POU2AF2: variants seen among roughly 807,000 people sequenced by gnomAD.
POU2AF2 encodes the protein POU class 2 homeobox associating factor 2, also known as POU domain class 2-associating factor 2.
the POU2AF2 span, among the ~76,000 whole-genome samples, chr11:111,278,556 GTCTCTCTCTCTCTCTC>G: frequency 1.3e-5 from 2 of 148,334 alleles, no homozygotes; most frequent in Admixed American, 6.7e-5. Flanking sequence ...CTCTCTCTCT[GTCTCTCTCTCTCTCTC>G]TCTCTCTCTC....
the POU2AF2 span, among the ~76,000 whole-genome samples, chr11:111,279,133 C>T: frequency 6.6e-6 from 1 of 152,132 alleles, no homozygotes; most frequent in Non-Finnish European, 1.5e-5. Flanking sequence ...CCATGATTTG[C>T]GTATTTTAAG....
the POU2AF2 span, among the ~76,000 whole-genome samples, chr11:111,265,976 C>G: frequency 6.6e-6 from 1 of 152,020 alleles, no homozygotes; most frequent in Non-Finnish European, 1.5e-5. Flanking sequence ...AAACTCCAAC[C>G]TGGTGCATTT....
the POU2AF2 span, among the ~76,000 whole-genome samples, chr11:111,250,867 T>C: frequency 6.6e-6 from 1 of 152,152 alleles, no homozygotes; most frequent in Non-Finnish European, 1.5e-5. Flanking sequence ...GGCAGAAGTA[T>C]TCTTGGGGCA....
At chr11:111,251,842 G>A in the POU2AF2 span, among the ~76,000 whole-genome samples, 19 of 152,298 alleles carry the variant, frequency 1.2e-4, 2 homozygotes, top group African/African-American at 3.8e-4. Context: ...ATATAGCCCC[G>A]TGCTTTGCAC....
chr11:111,276,447 A>T, the POU2AF2 span, among the ~76,000 whole-genome samples: 39 of 30,260 alleles, frequency 1.3e-3, no homozygotes, highest in African/African-American at 3.3e-3. Context: ...AAGAAAAAAA[A>T]AAAAAAATAT....
At chr11:111,250,020 A>G in the POU2AF2 span, among the ~76,000 whole-genome samples, 2 of 152,100 alleles carry the variant, frequency 1.3e-5, no homozygotes, top group South Asian at 4.2e-4. Context: ...TACCAGGTCC[A>G]GGTTCTCATA....
chr11:111,282,586 C>T, the POU2AF2 span, among the ~76,000 whole-genome samples: 1 of 152,094 alleles, frequency 6.6e-6, no homozygotes, highest in Non-Finnish European at 1.5e-5. Flanking sequence ...GAGATCTGCC[C>T]CCTTGGGCTC....
the POU2AF2 span, chr11:111,255,985 C>T: frequency 7.5e-6 from 3 of 399,016 alleles, no homozygotes; most frequent in Non-Finnish European, 1.3e-5. Flanking sequence ...TGCTTAAGTC[C>T]CAGGAGACTA....
the POU2AF2 span, among the ~76,000 whole-genome samples, chr11:111,247,191 C>CAGAGAGAGAG: frequency 0.2 from 28,435 of 144,588 alleles, 3,003 homozygotes; most frequent in East Asian, 0.26. Context: ...TACACACACA[C>CAGAGAGAGAG]AGAGAGAGAG....
At chr11:111,259,020 T>TA in the POU2AF2 span, among the ~76,000 whole-genome samples, 1 of 152,202 alleles carries the variant, frequency 6.6e-6, no homozygotes, top group Non-Finnish European at 1.5e-5. Context: ...AAAAAATACT[T>TA]ACACATTTGA....
the POU2AF2 span, chr11:111,281,459 T>C: frequency 3.1e-6 from 5 of 1,612,124 alleles, no homozygotes; most frequent in Admixed American, 5.0e-5. Context: ...TTTAATTCAA[T>C]AAGCAATTAT....
chr11:111,273,279 C>T, the POU2AF2 span, among the ~76,000 whole-genome samples: 4 of 152,064 alleles, frequency 2.6e-5, no homozygotes, highest in African/African-American at 9.7e-5. Context: ...CATTTAAAGA[C>T]TAACTGTGTT....
chr11:111,286,174 G>A, the POU2AF2 span: 1 of 1,131,230 alleles, frequency 8.8e-7, no homozygotes, highest in East Asian at 2.6e-5. Flanking sequence ...GCTGCTCTTT[G>A]TTAGTGGACG....
At chr11:111,271,404 C>T in the POU2AF2 span, among the ~76,000 whole-genome samples, 144 of 152,092 alleles carry the variant, frequency 9.5e-4, no homozygotes, top group Non-Finnish European at 1.7e-3. Flanking sequence ...CAAAAAAACT[C>T]TTTTTTATTT....
At chr11:111,254,186 A>C in the POU2AF2 span, among the ~76,000 whole-genome samples, 1 of 152,206 alleles carries the variant, frequency 6.6e-6, no homozygotes, top group African/African-American at 2.4e-5. Flanking sequence ...ACAATTCTAG[A>C]AGCAACATTT....
At chr11:111,282,675 G>A in the POU2AF2 span, among the ~76,000 whole-genome samples, 8 of 152,192 alleles carry the variant, frequency 5.3e-5, no homozygotes, top group African/African-American at 1.7e-4. Flanking sequence ...CCTGTGGAAC[G>A]GGCTGGAATT....
chr11:111,284,017 C>A, the POU2AF2 span: 7 of 1,513,968 alleles, frequency 4.6e-6, no homozygotes, highest in Non-Finnish European at 4.5e-6. Context: ...CAGCTGCAAC[C>A]GAGGCCTTGA....
the POU2AF2 span, among the ~76,000 whole-genome samples, chr11:111,264,491 C>CGAAAGAAA: frequency 5.2e-4 from 45 of 86,062 alleles, 3 homozygotes; most frequent in East Asian, 2.2e-3. Flanking sequence ...GCAAGACTCA[C>CGAAAGAAA]GAAAGAAAGA....
chr11:111,284,097 A>C, the POU2AF2 span: 4 of 1,614,082 alleles, frequency 2.5e-6, no homozygotes, highest in African/African-American at 5.3e-5. Context: ...ACGTCAGGTT[A>C]CTACGGTGTC....
Sources: allele counts gnomAD v4.1 joint callset (sites outside exome capture counted in the v4.1 genomes callset), GRCh38; gene constraint gnomAD v4.1.1; transcripts MANE v1.5; gene names NCBI Gene and HGNC (gene_info 2026-07-23, HGNC 2026-07-21).